The following DCDC1 variants were observed in gnomAD, a reference collection of about 807,000 sequenced individuals.
DCDC1 encodes the protein doublecortin domain-containing protein 1.
DCDC1 carries 200 observed loss-of-function variants against 178.3 expected under a neutral mutation model. The observed-to-expected ratio is 1.12, with a 90% confidence interval of 1.00 to 1.26. The LOEUF (loss-of-function observed/expected upper bound fraction) is 1.26. Ranked by LOEUF, DCDC1 falls within the 50% of genes most tolerant of loss-of-function variation. The pLI, the probability that DCDC1 is intolerant of heterozygous loss-of-function variation, is 0.00. For missense variants in DCDC1, 1,983 were observed against 1,749.2 expected, an observed-to-expected ratio of 1.13 and a Z score of -2.38; for synonymous variants, 690 against 604.8, an observed-to-expected ratio of 1.14 and a Z score of -2.07.
At chr11:31,201,516 C>G (rs1490641264) in intron 9 of DCDC1, among the ~76,000 whole-genome samples, 2 of 152,018 alleles carry the variant, frequency 1.3e-5, no homozygotes, top group African/African-American at 2.4e-5. Context: ...CACCTGTACT[C>G]AGAATAGCTT....
intron 36 of DCDC1, 136 bp downstream of exon 36, chr11:30,892,682 A>C (rs1357183338): frequency 1.6e-5 from 15 of 948,720 alleles, no homozygotes; most frequent in Non-Finnish European, 2.2e-5. Flanking sequence ...CAATCCTATG[A>C]GGAAAGTACT....
chr11:31,137,197 A>G (rs1366929803), intron 10 of DCDC1, among the ~76,000 whole-genome samples: 2 of 152,278 alleles, frequency 1.3e-5, no homozygotes, highest in East Asian at 3.9e-4. Flanking sequence ...TATTCTTTCA[A>G]GTATACAATT....
rs566330824 is a variant in DCDC1 at position 31,157,370 on chromosome 11, A to ATAT, written c.1222-19587_1222-19586insATA. Among the ~76,000 whole-genome samples the ATAT allele has an allele frequency of 6.0e-3, 666 of 110,850 alleles. 5 individuals carry two copies. Among genetic ancestry groups the ATAT allele is most frequent in the African/African-American group, 0.018 (596 of 33,624 alleles). 72.7% of individuals were successfully genotyped at this position (110,850 alleles called of 152,430 possible). On this transcript the variant is annotated intron_variant, in intron 9 of 38. Coordinates refer to ENST00000684477, the MANE Select transcript of DCDC1 (RefSeq NM_001387274.1). ...GACCCTTTCTCAAAAAAAAAAAAAAAAAATATATATATATATACATATATA... is the reference window on the plus strand; with the variant it reads ...GACCCTTTCTCAAAAAAAAAAAAAAATATAAATATATATATATATACATATATA...
At chr11:31,035,612 C>G (rs1422280421) in intron 20 of DCDC1, among the ~76,000 whole-genome samples, 2 of 152,230 alleles carry the variant, frequency 1.3e-5, no homozygotes, top group Non-Finnish European at 2.9e-5. Context: ...TGTTTTATCA[C>G]CAGTGATGTT....
At chr11:31,113,023 G>A (rs181386717) in intron 11 of DCDC1, among the ~76,000 whole-genome samples, 5 of 152,196 alleles carry the variant, frequency 3.3e-5, no homozygotes, top group Non-Finnish European at 5.9e-5. Flanking sequence ...CATATTCAGG[G>A]TACACCTGGA....
intron 16 of DCDC1, among the ~76,000 whole-genome samples, 177 bp from the exon 17 acceptor site, chr11:31,091,688 A>C (rs1957831347): frequency 6.6e-6 from 1 of 152,206 alleles, no homozygotes; most frequent in Non-Finnish European, 1.5e-5. Context: ...CAGAATCAGT[A>C]ATCTTCTGTC....
intron 20 of DCDC1, among the ~76,000 whole-genome samples, chr11:31,002,877 T>C (rs995045827): frequency 2.0e-5 from 3 of 152,088 alleles, no homozygotes; most frequent in African/African-American, 7.2e-5. Context: ...TGTAGAATAG[T>C]AAAATAATCT....
intron 9 of DCDC1, among the ~76,000 whole-genome samples, chr11:31,217,488 T>C (rs922375174): frequency 1.3e-5 from 2 of 152,132 alleles, no homozygotes; most frequent in Non-Finnish European, 2.9e-5. Context: ...CACAAACTAG[T>C]CCATATTATC....
intron 18 of DCDC1, 56 bp downstream of exon 18, chr11:31,077,809 A>G (rs1956954368): frequency 2.7e-6 from 2 of 751,958 alleles, no homozygotes; most frequent in Non-Finnish European, 4.9e-6. Context: ...ACCCTTTATA[A>G]GAATCTGGGA....
At chr11:31,229,825 CT>C (rs1464141331) in intron 9 of DCDC1, among the ~76,000 whole-genome samples, 2 of 152,206 alleles carry the variant, frequency 1.3e-5, no homozygotes, top group African/African-American at 4.8e-5. Context: ...ATTCAATACA[CT>C]TTATGATAAA....
intron 20 of DCDC1, among the ~76,000 whole-genome samples, chr11:31,041,137 T>C (rs1954420184): frequency 6.6e-6 from 1 of 152,226 alleles, no homozygotes; most frequent in South Asian, 2.1e-4. Flanking sequence ...CACTGTTCCA[T>C]GCTCTTAGGG....
At chr11:31,058,957 T>C (rs1488191741) in intron 20 of DCDC1, among the ~76,000 whole-genome samples, 1 of 152,050 alleles carries the variant, frequency 6.6e-6, no homozygotes, top group African/African-American at 2.4e-5. Flanking sequence ...ACACTCTAGT[T>C]TGGGGGCTGC....
chr11:31,172,712 A>T (rs1283139887), intron 9 of DCDC1, among the ~76,000 whole-genome samples: 1 of 152,200 alleles, frequency 6.6e-6, no homozygotes, highest in Admixed American at 6.5e-5. Flanking sequence ...AATCATAAGA[A>T]GGAGAAAATA....
At chr11:31,141,996 C>A (rs541141784) in intron 9 of DCDC1, among the ~76,000 whole-genome samples, 23 of 152,320 alleles carry the variant, frequency 1.5e-4, no homozygotes, top group African/African-American at 5.3e-4. Flanking sequence ...AGTCGGCTTT[C>A]AAAGAGCTGC....
rs148932732 is a variant in DCDC1, at chr11:30,885,242, G to GA, written c.5083-3935dup. ...CACTCAAATTTTACACCAGAAAAAG[G>GA]AAAAAAAAAAGGAAAAGTAAGATAA... On this transcript the variant is annotated intron_variant, in intron 36 of 38. Coordinates refer to ENST00000684477, the MANE Select transcript of DCDC1 (RefSeq NM_001387274.1). 6.6e-3 allele frequency among the ~76,000 whole-genome samples: 928 copies of GA among 140,648 alleles called. 5 individuals are homozygous for GA. The highest frequency in any genetic ancestry group is 0.022 in the African/African-American group (842 of 38,278). 92.3% of individuals were successfully genotyped at this position (140,648 alleles called of 152,430 possible).
chr11:31,221,310 T>A (rs1288843282), intron 9 of DCDC1, among the ~76,000 whole-genome samples: 2 of 152,312 alleles, frequency 1.3e-5, no homozygotes, highest in East Asian at 3.9e-4. Flanking sequence ...ACTAGACAAG[T>A]TATATGCTTC....
chr11:30,996,717 T>G (rs1951294219), intron 20 of DCDC1, among the ~76,000 whole-genome samples: 1 of 152,202 alleles, frequency 6.6e-6, no homozygotes, highest in South Asian at 2.1e-4. Context: ...GATCTTGGAC[T>G]TCCCTGCCTC....
chr11:31,217,355 A>C (rs1405118125), intron 9 of DCDC1, among the ~76,000 whole-genome samples: 3 of 152,172 alleles, frequency 2.0e-5, no homozygotes, highest in Admixed American at 6.5e-5. Flanking sequence ...TCAATTTTTT[A>C]AAAAACTAAG....
At chr11:31,327,931 T>C (rs186696229) in intron 3 of DCDC1, among the ~76,000 whole-genome samples, 186 bp downstream of exon 3, 60 of 152,192 alleles carry the variant, frequency 3.9e-4, no homozygotes, top group African/African-American at 1.3e-3. Context: ...GGTTTCACCA[T>C]GTTGGCCAGG....
Sources: allele counts gnomAD v4.1 joint callset (sites outside exome capture counted in the v4.1 genomes callset), GRCh38; gene constraint gnomAD v4.1.1; transcripts MANE v1.5; gene names NCBI Gene and HGNC (gene_info 2026-07-23, HGNC 2026-07-21).